TMCO4: variants seen among roughly 807,000 people sequenced by gnomAD.
TMCO4 encodes transmembrane and coiled-coil domain-containing protein 4.
In TMCO4, 58 loss-of-function variants were observed where a neutral mutation model predicts 64.7. The observed-to-expected ratio is 0.90, with a 90% CI of 0.73 to 1.12. TMCO4 has a LOEUF of 1.12. Among genes scored for constraint, TMCO4 ranks in the 50% most tolerant of loss-of-function variants. The pLI is 0.00. For synonymous variants in TMCO4, 325 were observed against 346.1 expected (o/e 0.94, Z 0.68); for missense variants, 780 against 825.9 (o/e 0.94, Z 0.68).
chr1:19,723,643 A>G (rs192316872), intron 13 of TMCO4, among the ~76,000 whole-genome samples: 188 of 152,302 alleles, frequency 1.2e-3, no homozygotes, highest in African/African-American at 4.4e-3. Flanking sequence ...TCCAACACCA[A>G]CACCAATCAT....
chr1:19,720,455 T>A (rs1303867363), intron 13 of TMCO4, among the ~76,000 whole-genome samples: 1 of 152,082 alleles, frequency 6.6e-6, no homozygotes, highest in East Asian at 1.9e-4. Flanking sequence ...TGGCTGCAGG[T>A]GCCTTCTGCT....
chr1:19,773,225 G>A (rs1169275556), intron 4 of TMCO4, among the ~76,000 whole-genome samples: 1 of 151,988 alleles, frequency 6.6e-6, no homozygotes, highest in African/African-American at 2.4e-5. Context: ...ACTAAATCCC[G>A]GCCTCACCAC....
At chr1:19,742,981 C>A (rs192123079) in intron 10 of TMCO4, among the ~76,000 whole-genome samples, 1 of 151,898 alleles carries the variant, frequency 6.6e-6, no homozygotes, top group Non-Finnish European at 1.5e-5. Flanking sequence ...ACCCGGGAGG[C>A]GGAGGTTGCA....
chr1:19,684,862 C>T (rs902161632), intron 15 of TMCO4, among the ~76,000 whole-genome samples: 2 of 152,106 alleles, frequency 1.3e-5, no homozygotes, highest in Non-Finnish European at 2.9e-5. Context: ...GGAATTCAGA[C>T]GAGATGGCCA....
chr1:19,695,037 C>T (rs544500965), intron 14 of TMCO4, among the ~76,000 whole-genome samples: 1 of 152,308 alleles, frequency 6.6e-6, no homozygotes, highest in East Asian at 1.9e-4. Flanking sequence ...TCTAGGCGAC[C>T]TATCTGTGAG....
intron 10 of TMCO4, among the ~76,000 whole-genome samples, chr1:19,741,926 A>T (rs1449351136): frequency 6.6e-6 from 1 of 151,618 alleles, no homozygotes; most frequent in East Asian, 1.9e-4. Context: ...TTCAGTAGAG[A>T]CGGGGTTTCA....
Position 19,771,293 on chromosome 1 carries a change from A to T in TMCO4, c.354+15T>A, listed in dbSNP as rs1270130168. On this transcript the variant is annotated intron_variant, in intron 5 of 15. Transcript: ENST00000294543. ...TCTACTGTCCCCAGCAGCCACCACCAGGTGTTGGGTGTACCTGAGTGATCA... is the reference window on the plus strand; with the variant it reads ...TCTACTGTCCCCAGCAGCCACCACCTGGTGTTGGGTGTACCTGAGTGATCA... 1 of 1,609,338 alleles carries T rather than the reference A, an allele frequency of 6.2e-7. No homozygotes were observed. The highest frequency in any genetic ancestry group is 8.5e-7 in the Non-Finnish European group (1 of 1,176,460).
At chr1:19,766,308 C>A (rs946074192) in intron 6 of TMCO4, among the ~76,000 whole-genome samples, 1 of 152,332 alleles carries the variant, frequency 6.6e-6, no homozygotes, top group East Asian at 1.9e-4. Context: ...GGCCCATCCA[C>A]GACACCAACC....
In TMCO4 at chr1:19,683,070, C is replaced by T. The variant is rs1298899230; in HGVS notation, c.1875G>A (p.Lys625=). 4 of 1,600,436 alleles carry T rather than the reference C, an allele frequency of 2.5e-6. No homozygotes were observed. Among genetic ancestry groups the T allele is most frequent in the South Asian group, 1.1e-5 (1 of 88,628 alleles). Residue 625 remains lysine, a synonymous_variant, in exon 16 of 16, where the codon AAG becomes AAA. Transcript: ENST00000294543. The part of the protein sequence containing the change: ...NPLGCPDCAC[K]TQGPSTGLD Reference sequence around the variant, plus strand: ...CCAGCCCCGTGCTGGGGCCCTGGGTCTTGCAGGCACAATCGGGGCAGCCCA... The same window carrying T: ...CCAGCCCCGTGCTGGGGCCCTGGGTTTTGCAGGCACAATCGGGGCAGCCCA...
intron 4 of TMCO4, among the ~76,000 whole-genome samples, chr1:19,774,360 G>C (rs1187018354): frequency 6.6e-6 from 1 of 152,186 alleles, no homozygotes. Flanking sequence ...CATGAGCTGT[G>C]TGATCTTGGA....
rs1356574435 is a variant in TMCO4, at chr1:19,751,726, C to T, written c.515+3908G>A. On this transcript the variant is annotated intron_variant, in intron 7 of 15. Coordinates refer to ENST00000294543, the MANE Select transcript of TMCO4 (RefSeq NM_181719.7). ...GTTCAGCTGAATGGCCAATCTATTT[C>T]CCTGTTTAAGTATTTGCATGTTCTT... Among the ~76,000 whole-genome samples the T allele has an allele frequency of 3.3e-5, 5 of 152,290 alleles. No homozygotes were observed. In the East Asian group the frequency reaches 9.7e-4, roughly 29 times the overall value.
At chr1:19,711,519 C>T (rs1032090961) in intron 13 of TMCO4, among the ~76,000 whole-genome samples, 3 of 152,166 alleles carry the variant, frequency 2.0e-5, no homozygotes, top group East Asian at 1.9e-4. Context: ...GACAGGGTCT[C>T]GCTCTGTCAC....
At chr1:19,741,485 G>A (rs533628765) in intron 10 of TMCO4, among the ~76,000 whole-genome samples, 4 of 152,128 alleles carry the variant, frequency 2.6e-5, no homozygotes, top group African/African-American at 7.2e-5. Flanking sequence ...ATGATCTTGC[G>A]GGGTCATTCA....
At chr1:19,764,414 G>C (rs1048092374) in intron 6 of TMCO4, among the ~76,000 whole-genome samples, 2 of 152,248 alleles carry the variant, frequency 1.3e-5, no homozygotes, top group Admixed American at 6.5e-5. Context: ...TTAGCTCAGA[G>C]CCAGGCATAC....
chr1:19,768,006 C>T (rs920337535), intron 6 of TMCO4, among the ~76,000 whole-genome samples: 2 of 151,510 alleles, frequency 1.3e-5, no homozygotes, highest in African/African-American at 4.9e-5. Context: ...ACAAGAGAAT[C>T]ACTTGAACCC....
At chr1:19,768,144 A>C (rs1005640422) in intron 6 of TMCO4, among the ~76,000 whole-genome samples, 3 of 151,304 alleles carry the variant, frequency 2.0e-5, no homozygotes, top group Non-Finnish European at 4.4e-5. Context: ...TTGATGTGTG[A>C]GATTCAGGTC....
At position 19,732,993 on chromosome 1, in the gene TMCO4, CG is replaced by C. The variant is rs1038541022; in HGVS notation, c.1264+4378del. ...ATATAGAAGTTTTCTAGGCCGGGCA[CG>C]GTGGCTCACGCCTGTAATGCCAGCA... is the stretch of plus-strand genomic sequence containing the variant. On this transcript the variant is annotated intron_variant, in intron 13 of 15. Transcript: ENST00000294543. This position sits in a 1 kb window ranked among gnomAD's most constrained non-coding sequence, Gnocchi z 4.8. Among the ~76,000 whole-genome samples, 1 of 151,838 alleles carries C rather than the reference CG, an allele frequency of 6.6e-6. No homozygotes were observed. Among genetic ancestry groups the C allele is most frequent in the Non-Finnish European group, 1.5e-5 (1 of 67,974 alleles).
intron 14 of TMCO4, among the ~76,000 whole-genome samples, chr1:19,700,220 C>A (rs562888845): frequency 6.6e-6 from 1 of 152,126 alleles, no homozygotes; most frequent in African/African-American, 2.4e-5. Context: ...CCAGCCTTCA[C>A]GGGCCCCCTC....
intron 2 of TMCO4, among the ~76,000 whole-genome samples, chr1:19,790,663 A>T (rs139379226): frequency 0.023 from 3,551 of 152,260 alleles, 146 homozygotes; most frequent in African/African-American, 0.081. Flanking sequence ...AAACAACAGA[A>T]GCTGGCAAGG....
Sources: gnomAD v4.1 joint callset for allele counts (sites outside exome capture counted in the v4.1 genomes callset) on GRCh38, gnomAD v4.1.1 for gene constraint, Gnocchi (gnomAD v3.1) non-coding constraint, MANE v1.5 for transcripts, NCBI Gene and HGNC (gene_info 2026-07-23, HGNC 2026-07-21) for gene names.